Variants in VGLL4 observed in about 807,000 individuals in gnomAD.
The protein encoded by VGLL4 is transcription cofactor vestigial-like protein 4.
VGLL4 carries 7 observed loss-of-function variants against 21.0 expected under a neutral mutation model. That is an observed-to-expected ratio of 0.33 (90% CI 0.19 to 0.63). VGLL4 has a LOEUF of 0.63. Ranked by LOEUF, VGLL4 falls within the 20% of genes least tolerant of loss-of-function variation. The pLI is 0.78. For missense variants in VGLL4, 394 were observed against 425.7 expected, an observed-to-expected ratio of 0.93 and a Z score of 0.66; for synonymous variants, 222 against 173.2, an observed-to-expected ratio of 1.28 and a Z score of -2.21.
At chr3:11,710,583 A>G (rs1440521648) in intron 1 of VGLL4, 1 of 152,234 alleles carries the variant, frequency 6.6e-6, no homozygotes, top group Admixed American at 6.5e-5. Flanking sequence ...AGACATCACT[A>G]TCCTTAAACA....
chr3:11,712,237 G>A (rs2076856660), intron 1 of VGLL4, among the ~76,000 whole-genome samples: 1 of 152,106 alleles, frequency 6.6e-6, no homozygotes, highest in Admixed American at 6.6e-5. Context: ...TTTTGCTCTA[G>A]GCTTTGCCCT....
intron 1 of VGLL4, among the ~76,000 whole-genome samples, chr3:11,711,292 C>A (rs1395346171): frequency 6.6e-6 from 1 of 152,100 alleles, no homozygotes; most frequent in African/African-American, 2.4e-5. Context: ...GTAATCCCAG[C>A]ACTTTGGGAG....
chr3:11,706,087 C>G (rs4600804), intron 1 of VGLL4, among the ~76,000 whole-genome samples: 1 of 152,112 alleles, frequency 6.6e-6, no homozygotes, highest in Non-Finnish European at 1.5e-5. Context: ...TTAATACATA[C>G]CTTAGGTTAT....
Position 11,559,516 on chromosome 3 carries a change from G to A in VGLL4, c.496-61C>T, listed in dbSNP as rs576809325. 1.1e-5 allele frequency: 16 copies of A among 1,483,498 alleles called. No individual in the cohort carries two copies. In the East Asian group the frequency reaches 2.8e-4, roughly 26 times the overall value. The allele number at this position is 1,483,498 out of a possible 1,614,324, so 91.9% of individuals were successfully genotyped here. On this transcript the variant is annotated intron_variant, in intron 3 of 4. Coordinates refer to ENST00000430365, the MANE Select transcript of VGLL4 (RefSeq NM_001128219.3). ...GCTTCAGTACCGGGCACCACCCCTG[G>A]GGCCCTCCCCAGCACCCTTCAGGCT... is the stretch of plus-strand genomic sequence containing the variant.
chr3:11,695,009 T>C (rs1189908591), intron 2 of VGLL4, among the ~76,000 whole-genome samples: 4 of 151,912 alleles, frequency 2.6e-5, no homozygotes, highest in Admixed American at 2.6e-4. Context: ...AGTAACATAA[T>C]AAAGATAATC....
chr3:11,579,185 C>G (rs2074152312), intron 2 of VGLL4, among the ~76,000 whole-genome samples: 1 of 143,496 alleles, frequency 7.0e-6, no homozygotes, highest in Non-Finnish European at 1.5e-5. Context: ...CTTTCCAAAA[C>G]TAGGGGGAAA....
intron 1 of VGLL4, among the ~76,000 whole-genome samples, chr3:11,713,516 A>G (rs1026013133): frequency 1.3e-5 from 2 of 150,442 alleles, no homozygotes; most frequent in African/African-American, 4.9e-5. Context: ...TTTGAACAAT[A>G]TATCTTCATG....
chr3:11,710,283 G>T (rs1458439342), intron 1 of VGLL4, among the ~76,000 whole-genome samples: 1 of 152,130 alleles, frequency 6.6e-6, no homozygotes, highest in Non-Finnish European at 1.5e-5. Context: ...GCACTGTGGG[G>T]TATATTAGAT....
chr3:11,614,608 T>G (rs1190782397), intron 1 of VGLL4, among the ~76,000 whole-genome samples: 1 of 152,236 alleles, frequency 6.6e-6, no homozygotes, highest in African/African-American at 2.4e-5. Context: ...CAGCCAGCCA[T>G]CCAGGTTTCC....
At chr3:11,659,326 C>CTTTTTTTTTTTTTTTTTTTTTTTT (rs5846714) in intron 2 of VGLL4, among the ~76,000 whole-genome samples, 11 of 70,822 alleles carry the variant, frequency 1.6e-4, no homozygotes, top group Non-Finnish European at 2.3e-4. Context: ...TTTTCTTTTT[C>CTTTTTTTTTTTTTTTTTTTTTTTT]TTTTTTTTTT....
chr3:11,575,605 C>A (rs907563623), intron 2 of VGLL4, among the ~76,000 whole-genome samples: 4 of 152,190 alleles, frequency 2.6e-5, no homozygotes, highest in African/African-American at 9.7e-5. Flanking sequence ...ACTTACCCAG[C>A]GGCAGCCGCT....
chr3:11,615,437 GAAT>G (rs2075143832), intron 1 of VGLL4, among the ~76,000 whole-genome samples: 1 of 152,152 alleles, frequency 6.6e-6, no homozygotes, highest in Non-Finnish European at 1.5e-5. Flanking sequence ...TTTTTGGCAA[GAAT>G]ACTACCCAGG....
At chr3:11,698,858 T>G (rs1056593019) in intron 2 of VGLL4, among the ~76,000 whole-genome samples, 1 of 152,212 alleles carries the variant, frequency 6.6e-6, no homozygotes, top group African/African-American at 2.4e-5. Context: ...TATTATAGAC[T>G]CAAGTCATAA....
chr3:11,679,511 C>T (rs962886498), intron 2 of VGLL4, among the ~76,000 whole-genome samples: 4 of 152,038 alleles, frequency 2.6e-5, no homozygotes, highest in Non-Finnish European at 1.5e-5. Context: ...GGTGAAACCC[C>T]GTCTCTACTA....
At chr3:11,720,616 C>T (rs917777421) in exon 1 of VGLL4, 3 of 152,386 alleles carry the variant, frequency 2.0e-5, no homozygotes, top group Non-Finnish European at 4.4e-5. Flanking sequence ...AGGAGGAAGT[C>T]CTAGTAAATC....
intron 1 of VGLL4, among the ~76,000 whole-genome samples, chr3:11,709,435 T>TCAAAAAAA (rs1228813940): frequency 1.7e-4 from 19 of 108,856 alleles, no homozygotes; most frequent in African/African-American, 5.7e-4. Flanking sequence ...AGACTCCGTC[T>TCAAAAAAA]AAAAAAAAAA....
intron 1 of VGLL4, among the ~76,000 whole-genome samples, chr3:11,709,408 G>A (rs2076806956): frequency 7.1e-6 from 1 of 141,200 alleles, no homozygotes; most frequent in Non-Finnish European, 1.5e-5. Flanking sequence ...TTGCACTCCA[G>A]CCCAGGGAAC....
At chr3:11,666,705 C>T (rs974309096) in intron 2 of VGLL4, among the ~76,000 whole-genome samples, 2 of 152,158 alleles carry the variant, frequency 1.3e-5, no homozygotes, top group Admixed American at 1.3e-4. Flanking sequence ...TGGACACAGG[C>T]TTGGAAATCC....
intron 2 of VGLL4, among the ~76,000 whole-genome samples, chr3:11,666,262 A>G (rs1035961428): frequency 1.3e-4 from 20 of 151,898 alleles, no homozygotes; most frequent in African/African-American, 4.1e-4. Flanking sequence ...AAAAAAAAAA[A>G]AAAGAAAGTT....
Sources: gnomAD v4.1 joint callset for allele counts (sites outside exome capture counted in the v4.1 genomes callset) on GRCh38, gnomAD v4.1.1 for gene constraint, MANE v1.5 for transcripts, NCBI Gene and HGNC (gene_info 2026-07-23, HGNC 2026-07-21) for gene names.